Variants in MGAT5 observed in about 807,000 individuals in gnomAD.
MGAT5 encodes the protein alpha-1,6-mannosylglycoprotein 6-beta-N-acetylglucosaminyltransferase, also known as alpha-1,6-mannosylglycoprotein 6-beta-N-acetylglucosaminyltransferase A.
A neutral mutation model predicts 94.3 loss-of-function variants in MGAT5; 30 were observed. The ratio of observed to expected loss-of-function variants is 0.32; its 90% confidence interval spans 0.24 to 0.43. The LOEUF (loss-of-function observed/expected upper bound fraction) is 0.43, where lower values mean the gene tolerates loss of function less well. Among genes scored for constraint, MGAT5 ranks in the 20% least tolerant of loss-of-function variants. The pLI, the probability that MGAT5 is intolerant of heterozygous loss-of-function variation, is 1.00. For missense variants in MGAT5, 691 were observed against 905.5 expected (o/e 0.76, Z 3.04); for synonymous variants, 310 against 322.9 (o/e 0.96, Z 0.43).
At chr2:134,121,624 A>C (rs773402651) in intron 1 of MGAT5, among the ~76,000 whole-genome samples, 1 of 152,158 alleles carries the variant, frequency 6.6e-6, no homozygotes, top group African/African-American at 2.4e-5. Flanking sequence ...CTGGCGGCCC[A>C]GTTAGGGAAG....
intron 2 of MGAT5, among the ~76,000 whole-genome samples, chr2:134,304,305 G>T (rs966123617): frequency 6.6e-6 from 1 of 152,076 alleles, no homozygotes; most frequent in Non-Finnish European, 1.5e-5. Context: ...TCTCCTATCC[G>T]GATGCCATGG....
At chr2:134,257,970 G>GA (rs1338455011) in intron 1 of MGAT5, among the ~76,000 whole-genome samples, 1 of 149,930 alleles carries the variant, frequency 6.7e-6, no homozygotes, top group Admixed American at 6.7e-5. Flanking sequence ...GCAAAAAGAA[G>GA]AAAAAAATTC....
intron 12 of MGAT5, among the ~76,000 whole-genome samples, chr2:134,418,022 G>T (rs1684077102): frequency 6.6e-6 from 1 of 151,894 alleles, no homozygotes; most frequent in African/African-American, 2.4e-5. Flanking sequence ...GTTGGCAACT[G>T]ACACACTTTT....
chr2:134,260,346 G>A (rs1683243572), intron 1 of MGAT5, among the ~76,000 whole-genome samples: 2 of 152,348 alleles, frequency 1.3e-5, no homozygotes, highest in Non-Finnish European at 1.5e-5. Flanking sequence ...TTGGTTGCTG[G>A]TTGGGGGCAG....
chr2:134,126,207 TGCCAAATAAATA>T (rs1033678174), intron 1 of MGAT5, among the ~76,000 whole-genome samples: 30 of 152,202 alleles, frequency 2.0e-4, no homozygotes, highest in African/African-American at 7.0e-4. Context: ...GGAATGCTTC[TGCCAAATAAATA>T]GTCACTGGCT....
At chr2:134,330,320 C>G (rs1254058316) in intron 4 of MGAT5, among the ~76,000 whole-genome samples, 1 of 152,074 alleles carries the variant, frequency 6.6e-6, no homozygotes, top group Non-Finnish European at 1.5e-5. Flanking sequence ...TTTGACTGAT[C>G]CCAGATTCAG....
intron 1 of MGAT5, among the ~76,000 whole-genome samples, chr2:134,225,406 C>T (rs1341870585): frequency 1.3e-5 from 2 of 152,208 alleles, no homozygotes; most frequent in African/African-American, 2.4e-5. Context: ...GTTATAGGCT[C>T]AGCCTGTTTC....
In MGAT5 at chr2:134,326,575, G is replaced by A. The variant is rs182470521; in HGVS notation, c.573+7836G>A. Among the ~76,000 whole-genome samples the A allele has an allele frequency of 1.0e-3, 154 of 152,098 alleles. 1 individual carries two copies. The highest frequency in any genetic ancestry group is 1.9e-3 in the Non-Finnish European group (130 of 67,968). ...GTTTCCTTAGAAATAATGCTTAGGGGCCACAACCTGAGTGCCAAGAGCATT... is the reference window on the plus strand; with the variant it reads ...GTTTCCTTAGAAATAATGCTTAGGGACCACAACCTGAGTGCCAAGAGCATT... On this transcript the variant is annotated intron_variant, in intron 4 of 15. Coordinates refer to ENST00000281923, the MANE Select transcript of MGAT5 (RefSeq NM_002410.5).
chr2:134,337,186 G>A (rs186061934), intron 5 of MGAT5, among the ~76,000 whole-genome samples: 1 of 152,288 alleles, frequency 6.6e-6, no homozygotes, highest in East Asian at 1.9e-4. Context: ...GTCAAGAAGG[G>A]AAATGAAACT....
In MGAT5 at chr2:134,285,790, G is replaced by A. The variant is rs571114860; in HGVS notation, c.406+15240G>A. Among the ~76,000 whole-genome samples the A allele has an allele frequency of 6.6e-5, 10 of 152,130 alleles. No individual in the cohort carries two copies. The East Asian group carries it at 1.9e-3, about 29-fold the overall frequency. The stretch of plus-strand genomic sequence containing the variant: ...TACTGATTTTCTGTTATGGAAGATG[G>A]GAATTTAGCTCTCTGACACTGCCAC... On this transcript the variant is annotated intron_variant, in intron 2 of 15. Transcript: ENST00000281923.
At chr2:134,186,394 A>G (rs1433544523) in intron 1 of MGAT5, among the ~76,000 whole-genome samples, 1 of 138,432 alleles carries the variant, frequency 7.2e-6, no homozygotes, top group Non-Finnish European at 1.6e-5. Context: ...TTTTTTTTTT[A>G]CTTGGAATTT....
At chr2:134,392,811 A>C (rs10928493) in intron 10 of MGAT5, among the ~76,000 whole-genome samples, 117,979 of 152,198 alleles carry the variant, frequency 0.78, 46,188 homozygotes, top group East Asian at 0.9. Flanking sequence ...CACCTTAGTG[A>C]TGTGGCATAG....
intron 1 of MGAT5, among the ~76,000 whole-genome samples, chr2:134,246,558 G>A (rs1179057948): frequency 6.6e-6 from 1 of 152,192 alleles, no homozygotes. Flanking sequence ...CAGTAATCCT[G>A]TAAATGTGTA....
intron 2 of MGAT5, among the ~76,000 whole-genome samples, chr2:134,278,888 T>A (rs1315618456): frequency 3.3e-5 from 5 of 152,214 alleles, no homozygotes; most frequent in Admixed American, 1.3e-4. Context: ...TCTGTCTCCC[T>A]AAGACTTGCT....
chr2:134,374,901 G>A (rs1431575449), intron 10 of MGAT5, among the ~76,000 whole-genome samples: 2 of 152,210 alleles, frequency 1.3e-5, no homozygotes, highest in African/African-American at 4.8e-5. Context: ...GCTGAGGTGG[G>A]AGGATCGCTT....
intron 1 of MGAT5, among the ~76,000 whole-genome samples, chr2:134,220,750 C>T (rs1680720589): frequency 6.6e-6 from 1 of 152,140 alleles, no homozygotes; most frequent in South Asian, 2.1e-4. Context: ...TCTGTGTGCT[C>T]GCTCTTGTCC....
chr2:134,446,828 G>A (rs1207580920), intron 15 of MGAT5, among the ~76,000 whole-genome samples: 1 of 152,188 alleles, frequency 6.6e-6, no homozygotes, highest in Non-Finnish European at 1.5e-5. Flanking sequence ...GCAGGCTCTG[G>A]GGGAGGGAGG....
At chr2:134,259,336 C>T (rs1327093287) in intron 1 of MGAT5, among the ~76,000 whole-genome samples, 1 of 152,208 alleles carries the variant, frequency 6.6e-6, no homozygotes, top group Non-Finnish European at 1.5e-5. Flanking sequence ...CAATGCTATT[C>T]TTGTTTCTGA....
chr2:134,389,828 T>C (rs2106244975), intron 10 of MGAT5, among the ~76,000 whole-genome samples: 1 of 152,322 alleles, frequency 6.6e-6, no homozygotes, highest in South Asian at 2.1e-4. Flanking sequence ...AAATGCCTCC[T>C]CTTGTGAACC....
Sources: gnomAD v4.1 joint callset for allele counts (sites outside exome capture counted in the v4.1 genomes callset) on GRCh38, gnomAD v4.1.1 for gene constraint, MANE v1.5 for transcripts, NCBI Gene and HGNC (gene_info 2026-07-23, HGNC 2026-07-21) for gene names.